Variants in GBF1 observed in about 807,000 individuals in gnomAD.
The protein encoded by GBF1 is Golgi-specific brefeldin A-resistance guanine nucleotide exchange factor 1.
A neutral mutation model predicts 210.5 loss-of-function variants in GBF1; 114 were observed. The ratio of observed to expected loss-of-function variants is 0.54; its 90% CI spans 0.47 to 0.63. GBF1 has a LOEUF of 0.63. Ranked by LOEUF, GBF1 falls within the 30% of genes least tolerant of loss-of-function variation. The pLI is 0.00. For synonymous variants in GBF1, 850 were observed against 889.2 expected, an observed-to-expected ratio of 0.96 and a Z score of 0.78; for missense variants, 1,851 against 2,357.7, an observed-to-expected ratio of 0.79 and a Z score of 4.45.
At position 102,376,375 on chromosome 10, in the gene GBF1, G is replaced by A. The variant is rs142215780; in HGVS notation, c.3990G>A (p.Pro1330=). ...DSEVYTDHGR[P]GKIHRSATDA... is the part of the protein sequence containing the mutation. ...AGGTCTACACTGACCATGGCAGGCC[G>A]GGCAAGATACACCGATCAGCCACAG... The change falls in exon 31 of 40, where the codon CCG becomes CCA. Residue 1330 remains proline (P), a synonymous_variant. Transcript: ENST00000369983. 4.2e-4 allele frequency: 682 copies of A among 1,614,110 alleles called. No homozygotes were observed. Among genetic ancestry groups the A allele is most frequent in the Admixed American group, 7.0e-4 (42 of 60,022 alleles).
intron 3 of GBF1, among the ~76,000 whole-genome samples, chr10:102,325,019 A>G (rs1384580043): frequency 6.6e-6 from 1 of 152,114 alleles, no homozygotes; most frequent in African/African-American, 2.4e-5. Flanking sequence ...CACAGTATGC[A>G]CTCTACATAT....
Position 102,363,714 on chromosome 10 carries a change from C to G in GBF1, c.2022C>G (p.Asp674Glu). Residue 674 changes from aspartate to glutamate, a missense_variant, in exon 17 of 40, where the codon GAC becomes GAG. Transcript: ENST00000369983. The surrounding 1 kb of genome is among the most constrained non-coding windows in gnomAD (Gnocchi z 4.2). ...CCCTCTTCTTCCTACTCCTAGCTGA[C>G]AAAAAGTTTGCCCGGAAGCCACCCC... is the stretch of plus-strand genomic sequence containing the variant. ...DLEEAVDSGADKKFARKPPRF... is the reference protein window; with the variant it reads ...DLEEAVDSGAEKKFARKPPRF... 6.2e-7 allele frequency: 1 copy of G among 1,608,568 alleles called. No homozygotes were observed. Among genetic ancestry groups the G allele is most frequent in the Non-Finnish European group, 8.5e-7 (1 of 1,174,996 alleles).
intron 3 of GBF1, among the ~76,000 whole-genome samples, chr10:102,338,658 G>C (rs900053273): frequency 4.6e-5 from 7 of 151,978 alleles, no homozygotes; most frequent in African/African-American, 1.2e-4. Flanking sequence ...GTTACACACA[G>C]AGCCTCGGCT....
At chr10:102,355,616 C>CA (rs569669017) in intron 8 of GBF1, among the ~76,000 whole-genome samples, 208 of 152,296 alleles carry the variant, frequency 1.4e-3, no homozygotes, top group African/African-American at 4.6e-3. Context: ...CAGGTTGGAG[C>CA]AAGCTTTGCA....
chr10:102,276,525 CA>C (rs67888654), intron 3 of GBF1, among the ~76,000 whole-genome samples: 60,081 of 113,456 alleles, frequency 0.53, 13,905 homozygotes, highest in East Asian at 0.68. Context: ...GACTCTGCCT[CA>C]AAAAAAAAAA....
At chr10:102,307,721 G>A (rs1388852819) in intron 3 of GBF1, among the ~76,000 whole-genome samples, 2 of 152,050 alleles carry the variant, frequency 1.3e-5, no homozygotes, top group Non-Finnish European at 2.9e-5. Context: ...AACCCGGGAG[G>A]CAGAGTTGCA....
chr10:102,281,580 TGTTA>T (rs1030993076), intron 3 of GBF1, among the ~76,000 whole-genome samples: 38 of 149,036 alleles, frequency 2.5e-4, no homozygotes, highest in African/African-American at 9.0e-4. Flanking sequence ...TTATATAAAT[TGTTA>T]TATTATAACT....
At chr10:102,324,660 C>T (rs1238059743) in intron 3 of GBF1, among the ~76,000 whole-genome samples, 2 of 152,138 alleles carry the variant, frequency 1.3e-5, no homozygotes, top group Non-Finnish European at 2.9e-5. Context: ...AATCTTGGCT[C>T]ACTGCAGCCT....
intron 3 of GBF1, among the ~76,000 whole-genome samples, chr10:102,334,856 A>C (rs2057615987): frequency 1.3e-5 from 2 of 152,266 alleles, no homozygotes; most frequent in Non-Finnish European, 2.9e-5. Context: ...CTCAAAAAAA[A>C]AAAAAAAAGT....
chr10:102,355,764 A>T (rs2059256636), intron 8 of GBF1, among the ~76,000 whole-genome samples: 1 of 152,260 alleles, frequency 6.6e-6, no homozygotes. Flanking sequence ...GCTACCTCAT[A>T]AAAGTAGATC....
At chr10:102,282,059 T>C (rs2075544512) in intron 3 of GBF1, among the ~76,000 whole-genome samples, 1 of 151,468 alleles carries the variant, frequency 6.6e-6, no homozygotes, top group Admixed American at 6.6e-5. Flanking sequence ...CCTGAGTAGC[T>C]GGGACTACAG....
At chr10:102,231,475 C>T in the GBF1 span, 2 of 674,932 alleles carry the variant, frequency 3.0e-6, no homozygotes, top group Non-Finnish European at 2.4e-6. Flanking sequence ...AGCCAGGGTC[C>T]GGGGTCCGGG....
At chr10:102,370,529 G>C in intron 28 of GBF1, 51 bp downstream of exon 28, 2 of 1,462,272 alleles carry the variant, frequency 1.4e-6, no homozygotes, top group Non-Finnish European at 1.9e-6. Flanking sequence ...TTGTGCCAAA[G>C]GGATGGAAGC....
At chr10:102,355,575 C>T (rs926122557) in intron 8 of GBF1, among the ~76,000 whole-genome samples, 9 of 152,202 alleles carry the variant, frequency 5.9e-5, no homozygotes, top group Non-Finnish European at 1.2e-4. Flanking sequence ...CCTACTCCAG[C>T]CAGCAGGCTG....
intron 3 of GBF1, among the ~76,000 whole-genome samples, chr10:102,305,488 T>C (rs2133894434): frequency 6.6e-6 from 1 of 152,104 alleles, no homozygotes; most frequent in African/African-American, 2.4e-5. Flanking sequence ...CACGTGCCTG[T>C]AGTCCCAGCT....
chr10:102,269,920 C>T (rs1366690047), intron 3 of GBF1, among the ~76,000 whole-genome samples: 3 of 151,630 alleles, frequency 2.0e-5, no homozygotes, highest in East Asian at 3.9e-4. Context: ...GCTCTGTCAC[C>T]GCGGCTAGAG....
intron 3 of GBF1, among the ~76,000 whole-genome samples, chr10:102,327,402 T>A (rs751317406): frequency 7.9e-5 from 12 of 152,196 alleles, no homozygotes; most frequent in Non-Finnish European, 1.6e-4. Flanking sequence ...ACTTTCGCTC[T>A]TAGGTATTTA....
upstream of GBF1, among the ~76,000 whole-genome samples, chr10:102,245,281 C>T (rs1188910483): frequency 6.6e-6 from 1 of 152,192 alleles, no homozygotes; most frequent in Non-Finnish European, 1.5e-5. Flanking sequence ...CTCTAGCCGC[C>T]CAGCCCAGTT....
At chr10:102,248,304 G>A (rs1321956131) in intron 1 of GBF1, among the ~76,000 whole-genome samples, 2 of 150,464 alleles carry the variant, frequency 1.3e-5, no homozygotes, top group Non-Finnish European at 3.0e-5. Context: ...ATTTCAGTAT[G>A]TTCAACTGCA....
Sources: gnomAD v4.1 joint callset for allele counts (sites outside exome capture counted in the v4.1 genomes callset) on GRCh38, gnomAD v4.1.1 for gene constraint, Gnocchi (gnomAD v3.1) non-coding constraint, MANE v1.5 for transcripts, NCBI Gene and HGNC (gene_info 2026-07-23, HGNC 2026-07-21) for gene names.